PCDHGA3: variants seen among roughly 807,000 people sequenced by gnomAD.
The protein encoded by PCDHGA3 is protocadherin gamma subfamily A, 3.
In PCDHGA3, 40 loss-of-function variants were observed where a neutral mutation model predicts 58.5. The ratio of observed to expected loss-of-function variants is 0.68; its 90% CI spans 0.53 to 0.89. The LOEUF (loss-of-function observed/expected upper bound fraction) is 0.89. PCDHGA3 is among the 40% of genes least tolerant of loss of function. PCDHGA3 has a pLI of 0.00. For synonymous variants in PCDHGA3, 530 were observed against 525.7 expected, an observed-to-expected ratio of 1.01 and a Z score of -0.11; for missense variants, 1,223 against 1,195.9, an observed-to-expected ratio of 1.02 and a Z score of -0.33.
At chr5:141,484,950 T>G in intron 1 of PCDHGA3, 1 of 561,950 alleles carries the variant, frequency 1.8e-6, no homozygotes, top group Non-Finnish European at 3.2e-6. Context: ...GCTCAGCCTA[T>G]TGGCTGAGCC....
At chr5:141,428,134 T>C (rs746772496) in intron 1 of PCDHGA3, 1 of 1,600,266 alleles carries the variant, frequency 6.2e-7, no homozygotes, top group Non-Finnish European at 8.5e-7. Flanking sequence ...CTTTTCAGCC[T>C]GGGGCTGCAC....
chr5:141,479,676 G>A (rs2099503035), intron 1 of PCDHGA3: 1 of 152,242 alleles, frequency 6.6e-6, no homozygotes, highest in African/African-American at 2.4e-5. Context: ...CAAAAGGAGA[G>A]TCTTTTTGGT....
In PCDHGA3 at chr5:141,344,739, A is replaced by G; in HGVS notation, c.706A>G (p.Asn236Asp). The G allele has an allele frequency of 1.9e-6, 3 of 1,613,966 alleles. No homozygotes were observed. The highest frequency in any genetic ancestry group is 2.5e-6 in the Non-Finnish European group (3 of 1,179,882). Reference sequence around the variant, plus strand: ...CATCCAAGTGATAGTCCTGGATGCAAATGACAACCCACCAATGTTTACTCA... The same window carrying G: ...CATCCAAGTGATAGTCCTGGATGCAGATGACAACCCACCAATGTTTACTCA... ...LHIQVIVLDANDNPPMFTQPE... is the reference protein window; with the variant it reads ...LHIQVIVLDADDNPPMFTQPE... Residue 236 changes from asparagine to aspartate, a missense_variant, in exon 1 of 4, where the codon AAT becomes GAT. Transcript: ENST00000253812.
Position 141,346,204 on chromosome 5 carries a change from T to A in PCDHGA3, c.2171T>A (p.Leu724Gln), listed in dbSNP as rs1168240525. 1 of 1,614,016 alleles carries A rather than the reference T, an allele frequency of 6.2e-7. No homozygotes were observed. Among genetic ancestry groups the A allele is most frequent in the Admixed American group, 1.7e-5 (1 of 59,994 alleles). ...LRLRRWHKSR[L>Q]LQASGGGLAS... ...CTGCGGCGCTGGCACAAGTCACGCCTGCTGCAGGCTTCGGGAGGCGGCTTG... is the reference window on the plus strand; with the variant it reads ...CTGCGGCGCTGGCACAAGTCACGCCAGCTGCAGGCTTCGGGAGGCGGCTTG... Residue 724 changes from leucine to glutamine, a missense_variant, in exon 1 of 4, where the codon CTG becomes CAG. Leu to Gln is a moderately radical substitution (Grantham distance 113). Transcript: ENST00000253812.
At chr5:141,354,730 T>C (rs1554075317) in intron 1 of PCDHGA3, among the ~76,000 whole-genome samples, 1 of 152,160 alleles carries the variant, frequency 6.6e-6, no homozygotes. Flanking sequence ...GGATGAACAA[T>C]GTGAAAACTG....
chr5:141,361,636 A>G (rs767493690), intron 1 of PCDHGA3: 3 of 1,613,640 alleles, frequency 1.9e-6, no homozygotes, highest in African/African-American at 1.3e-5. Context: ...GCCGCGGGAG[A>G]TTTTATCCTA....
At chr5:141,504,511 CTCTGATAT>C (rs2099838890) in intron 2 of PCDHGA3, among the ~76,000 whole-genome samples, 1 of 151,902 alleles carries the variant, frequency 6.6e-6, no homozygotes, top group Non-Finnish European at 1.5e-5. Flanking sequence ...AGTGGATCTC[CTCTGATAT>C]ATTTTATTCG....
chr5:141,364,945 G>A (rs543776650), intron 1 of PCDHGA3: 6 of 1,613,918 alleles, frequency 3.7e-6, no homozygotes, highest in South Asian at 3.3e-5. Context: ...GCGAGAAAGA[G>A]ACTGTTCACG....
chr5:141,389,269 A>G, intron 1 of PCDHGA3: 2 of 1,613,976 alleles, frequency 1.2e-6, no homozygotes, highest in Non-Finnish European at 1.7e-6. Flanking sequence ...GTGGCCGAGA[A>G]CAACCCGCCT....
chr5:141,382,904 C>G, intron 1 of PCDHGA3: 1 of 1,543,132 alleles, frequency 6.5e-7, no homozygotes, highest in Non-Finnish European at 8.7e-7. Context: ...ACGACTATGG[C>G]GGCTCAGCCG....
chr5:141,398,408 A>G (rs2093653088), intron 1 of PCDHGA3: 1 of 1,473,232 alleles, frequency 6.8e-7, no homozygotes, highest in African/African-American at 1.4e-5. Flanking sequence ...GACAGGGAGG[A>G]GATATGCGGG....
At chr5:141,372,956 T>C in intron 1 of PCDHGA3, 1 of 730,732 alleles carries the variant, frequency 1.4e-6, no homozygotes, top group Non-Finnish European at 2.1e-6. Flanking sequence ...GGAAATTCTT[T>C]GTAGAATTTC....
intron 1 of PCDHGA3, chr5:141,393,074 G>A (rs775449711): frequency 3.7e-6 from 6 of 1,613,710 alleles, no homozygotes; most frequent in Non-Finnish European, 5.1e-6. Context: ...TGATCACCGC[G>A]GGCAGGATAG....
At chr5:141,423,783 A>G in intron 1 of PCDHGA3, 1 of 1,264,712 alleles carries the variant, frequency 7.9e-7, no homozygotes, top group South Asian at 1.9e-5. Context: ...TATTTAGTTC[A>G]TATATATTTA....
intron 2 of PCDHGA3, among the ~76,000 whole-genome samples, chr5:141,505,050 T>C (rs1190927211): frequency 2.0e-5 from 3 of 152,130 alleles, no homozygotes; most frequent in Non-Finnish European, 4.4e-5. Context: ...TCATCCCAGC[T>C]ACTTGGGAGA....
At chr5:141,426,427 G>A in intron 1 of PCDHGA3, 2 of 293,710 alleles carry the variant, frequency 6.8e-6, no homozygotes, top group Non-Finnish European at 1.3e-5. Context: ...CTCCGTGGTG[G>A]GGAACCTTGC....
chr5:141,478,327 A>G lies in PCDHGA3; in HGVS notation c.2425-16480A>G, dbSNP rs149317962. The G allele has an allele frequency of 9.9e-6, 16 of 1,613,974 alleles. No homozygotes were observed. The African/African-American group carries it at 2.0e-4, about 20-fold the overall frequency. The stretch of plus-strand genomic sequence containing the variant: ...CCCCGGTGAGCTCACTGTACCGAAC[A>G]CCAGGGCCCTCCTTGCACGCGGACG... On this transcript the variant is annotated intron_variant, in intron 1 of 3. Transcript: ENST00000253812.
chr5:141,464,980 GATCCT>G (rs2154568684), intron 1 of PCDHGA3, among the ~76,000 whole-genome samples: 1 of 151,990 alleles, frequency 6.6e-6, no homozygotes, highest in East Asian at 1.9e-4. Flanking sequence ...GGCTTCAAGT[GATCCT>G]CCCACCTCAG....
intron 1 of PCDHGA3, chr5:141,350,053 A>G (rs1758397235): frequency 2.5e-6 from 1 of 403,962 alleles, no homozygotes; most frequent in East Asian, 3.6e-5. Flanking sequence ...CTGTCGACCA[A>G]AAGGAAGTGA....
Sources: allele counts gnomAD v4.1 joint callset (sites outside exome capture counted in the v4.1 genomes callset), GRCh38; gene constraint gnomAD v4.1.1; transcripts MANE v1.5; gene names NCBI Gene and HGNC (gene_info 2026-07-23, HGNC 2026-07-21).